Variants in FRMD5 observed in about 807,000 individuals in gnomAD.
FRMD5 encodes the protein FERM domain-containing protein 5.
FRMD5 carries 20 observed loss-of-function variants against 69.0 expected under a neutral mutation model. The observed-to-expected ratio is 0.29, with a 90% CI of 0.20 to 0.42. The LOEUF is 0.42. Ranked by LOEUF, FRMD5 falls within the 10% of genes least tolerant of loss-of-function variation. FRMD5 has a pLI of 1.00. For synonymous variants in FRMD5, 271 were observed against 260.1 expected, an observed-to-expected ratio of 1.04 and a Z score of -0.40; for missense variants, 595 against 708.6, an observed-to-expected ratio of 0.84 and a Z score of 1.82.
At chr15:43,962,022 C>T (rs967169919) in intron 1 of FRMD5, among the ~76,000 whole-genome samples, 1 of 152,162 alleles carries the variant, frequency 6.6e-6, no homozygotes, top group African/African-American at 2.4e-5. Flanking sequence ...TCTTACCACT[C>T]CTATTCAACA....
At chr15:43,927,199 T>C (rs1160537463) in intron 1 of FRMD5, among the ~76,000 whole-genome samples, 6 of 152,206 alleles carry the variant, frequency 3.9e-5, no homozygotes. Flanking sequence ...TTGAATTTCT[T>C]GAAAGAATTC....
intron 1 of FRMD5, among the ~76,000 whole-genome samples, chr15:44,019,855 A>C (rs1891138103): frequency 6.6e-6 from 1 of 151,800 alleles, no homozygotes; most frequent in South Asian, 2.1e-4. Flanking sequence ...TTTCCCACTT[A>C]ATTTTTCTGT....
intron 1 of FRMD5, among the ~76,000 whole-genome samples, chr15:43,930,302 G>C (rs2089652524): frequency 6.6e-6 from 1 of 152,226 alleles, no homozygotes. Context: ...ATTCCAGGGG[G>C]AAATGCAGAG....
intron 1 of FRMD5, among the ~76,000 whole-genome samples, chr15:43,926,029 C>T (rs1332459897): frequency 6.6e-6 from 1 of 152,184 alleles, no homozygotes; most frequent in Non-Finnish European, 1.5e-5. Context: ...CAGAATCCTT[C>T]CCCCAGAACT....
intron 1 of FRMD5, among the ~76,000 whole-genome samples, chr15:44,161,809 C>T (rs904594038): frequency 1.3e-5 from 2 of 152,208 alleles, no homozygotes; most frequent in African/African-American, 4.8e-5. Context: ...AAACTCTCCA[C>T]TAAAATGACT....
intron 1 of FRMD5, among the ~76,000 whole-genome samples, chr15:44,076,488 T>C (rs1398189987): frequency 2.0e-5 from 3 of 149,668 alleles, no homozygotes; most frequent in African/African-American, 2.5e-5. Flanking sequence ...ATGGATGAAA[T>C]TGGAAATCAT....
chr15:44,165,261 A>G (rs972394771), intron 1 of FRMD5, among the ~76,000 whole-genome samples: 1 of 152,098 alleles, frequency 6.6e-6, no homozygotes, highest in East Asian at 1.9e-4. Context: ...TCTACTAAAA[A>G]TACAAAAATT....
chr15:44,146,522 T>C (rs764011400), intron 1 of FRMD5, among the ~76,000 whole-genome samples: 1 of 152,238 alleles, frequency 6.6e-6, no homozygotes, highest in Admixed American at 6.5e-5. Flanking sequence ...GTAATGGGAT[T>C]GCTGGGTCAA....
intron 1 of FRMD5, among the ~76,000 whole-genome samples, chr15:44,095,583 G>A (rs1172761660): frequency 1.3e-5 from 2 of 152,112 alleles, no homozygotes; most frequent in African/African-American, 2.4e-5. Flanking sequence ...CCTGTCAGAT[G>A]TTGCTGAAGG....
chr15:44,108,099 T>C (rs906417233), intron 1 of FRMD5, among the ~76,000 whole-genome samples: 4 of 152,224 alleles, frequency 2.6e-5, no homozygotes, highest in Non-Finnish European at 5.9e-5. Context: ...GAATGGTTTC[T>C]TACATTTTTA....
chr15:44,042,433 C>T (rs1892238945), intron 1 of FRMD5, among the ~76,000 whole-genome samples: 1 of 152,146 alleles, frequency 6.6e-6, no homozygotes, highest in Non-Finnish European at 1.5e-5. Flanking sequence ...TTTTATGAGG[C>T]CAGCATCATC....
At chr15:43,953,838 A>T (rs1022354681) in intron 1 of FRMD5, among the ~76,000 whole-genome samples, 1 of 152,232 alleles carries the variant, frequency 6.6e-6, no homozygotes, top group Non-Finnish European at 1.5e-5. Context: ...CTCAGCTATG[A>T]TGTGACTTTA....
chr15:44,125,548 G>C (rs2077014325), intron 1 of FRMD5, among the ~76,000 whole-genome samples: 1 of 152,118 alleles, frequency 6.6e-6, no homozygotes, highest in African/African-American at 2.4e-5. Context: ...AGGGCCTATG[G>C]AATTGAGGCT....
intron 1 of FRMD5, chr15:43,989,878 G>A (rs1162218615): frequency 9.5e-7 from 1 of 1,047,946 alleles, no homozygotes; most frequent in African/African-American, 1.6e-5. Flanking sequence ...CAGCAGCATG[G>A]GGTGCTCCTT....
At chr15:43,881,696 G>C (rs1415547890) in intron 13 of FRMD5, among the ~76,000 whole-genome samples, 1 of 152,184 alleles carries the variant, frequency 6.6e-6, no homozygotes, top group Non-Finnish European at 1.5e-5. Flanking sequence ...AACCAATGGG[G>C]TGGGCAAGGA....
chr15:43,892,763 T>C (rs1417799100), intron 7 of FRMD5, among the ~76,000 whole-genome samples: 2 of 152,212 alleles, frequency 1.3e-5, no homozygotes, highest in African/African-American at 4.8e-5. Flanking sequence ...GGTTGTGATC[T>C]TTTAACCCTG....
At position 43,871,718 on chromosome 15, in the gene FRMD5, T is replaced by C. The variant is rs960564730; in HGVS notation, c.*2167A>G. On this transcript the variant is annotated 3_prime_UTR_variant, in exon 14 of 14. Transcript: ENST00000417257. Reference sequence around the variant, plus strand: ...TTTATAATTCTGCCTAAATTGTTGCTGGTATGAAAATGGTCAGAGAAGCCC... The same window carrying C: ...TTTATAATTCTGCCTAAATTGTTGCCGGTATGAAAATGGTCAGAGAAGCCC... 6.6e-6 allele frequency: 1 copy of C among 152,258 alleles called. No individual in the cohort carries two copies. The highest frequency in any genetic ancestry group is 1.5e-5 in the Non-Finnish European group (1 of 68,046). The allele number at this position is 152,258 out of a possible 1,614,324, so 9.4% of individuals were successfully genotyped here. A position where few individuals can be genotyped will look rare whatever the true frequency, so the allele number is the denominator to read the frequency against.
intron 1 of FRMD5, among the ~76,000 whole-genome samples, chr15:43,953,224 G>C (rs1196294444): frequency 6.6e-6 from 1 of 152,228 alleles, no homozygotes; most frequent in African/African-American, 2.4e-5. Flanking sequence ...ATCTGCTAAA[G>C]AGTTCTCAGG....
intron 1 of FRMD5, among the ~76,000 whole-genome samples, chr15:44,088,821 C>T (rs1036615555): frequency 1.3e-5 from 2 of 152,156 alleles, no homozygotes; most frequent in African/African-American, 4.8e-5. Context: ...AACTAGCTCG[C>T]CCAAAGGCAC....
Sources: allele counts gnomAD v4.1 joint callset (sites outside exome capture counted in the v4.1 genomes callset), GRCh38; gene constraint gnomAD v4.1.1; transcripts MANE v1.5; gene names NCBI Gene and HGNC (gene_info 2026-07-23, HGNC 2026-07-21).